The following TSHZ2 variants were observed in gnomAD, a reference collection of about 807,000 sequenced individuals.
TSHZ2 encodes the protein teashirt homolog 2.
A neutral mutation model predicts 74.4 loss-of-function variants in TSHZ2; 21 were observed. The observed-to-expected ratio is 0.28, with a 90% CI of 0.20 to 0.41. The LOEUF (loss-of-function observed/expected upper bound fraction) is 0.41. TSHZ2 is among the 10% of genes least tolerant of loss of function. The pLI, the probability that TSHZ2 is intolerant of heterozygous loss-of-function variation, is 1.00. For missense variants in TSHZ2, 1,244 were observed against 1,293.5 expected, an observed-to-expected ratio of 0.96 and a Z score of 0.59; for synonymous variants, 540 against 515.3, an observed-to-expected ratio of 1.05 and a Z score of -0.65.
At chr20:53,163,138 A>G (rs575888094) in intron 1 of TSHZ2, among the ~76,000 whole-genome samples, 2 of 152,178 alleles carry the variant, frequency 1.3e-5, no homozygotes, top group South Asian at 4.2e-4. Flanking sequence ...TGATGTGACT[A>G]TATTGTACCT....
intron 2 of TSHZ2, among the ~76,000 whole-genome samples, chr20:53,264,812 C>T (rs1474557528): frequency 6.6e-6 from 1 of 152,210 alleles, no homozygotes; most frequent in Non-Finnish European, 1.5e-5. Flanking sequence ...TAGGAGCTGG[C>T]ATTCCTGTCG....
At chr20:53,188,150 G>T (rs1988644523) in intron 1 of TSHZ2, among the ~76,000 whole-genome samples, 1 of 152,100 alleles carries the variant, frequency 6.6e-6, no homozygotes, top group African/African-American at 2.4e-5. Flanking sequence ...AAACCAAAAT[G>T]CTCCCACAAT....
At chr20:53,453,125 A>G (rs1984873993) in intron 2 of TSHZ2, 1 of 152,234 alleles carries the variant, frequency 6.6e-6, no homozygotes, top group South Asian at 2.1e-4. Context: ...GGCACAAAAG[A>G]GACACTTGGT....
At chr20:53,220,344 G>T (rs771411239) in intron 1 of TSHZ2, among the ~76,000 whole-genome samples, 20 of 152,158 alleles carry the variant, frequency 1.3e-4, no homozygotes, top group Non-Finnish European at 2.6e-4. Context: ...TTGTCTAAAG[G>T]TGGGGCTTTA....
At chr20:53,044,953 C>T (rs1423325016) in intron 1 of TSHZ2, among the ~76,000 whole-genome samples, 1 of 152,146 alleles carries the variant, frequency 6.6e-6, no homozygotes, top group Non-Finnish European at 1.5e-5. Flanking sequence ...CTCGAGTGAT[C>T]CTCCCAGAGT....
intron 2 of TSHZ2, among the ~76,000 whole-genome samples, chr20:53,402,558 A>G (rs1982706363): frequency 6.6e-6 from 1 of 152,166 alleles, no homozygotes; most frequent in Non-Finnish European, 1.5e-5. Flanking sequence ...ATGTATCCCC[A>G]TGGTTTAGAG....
chr20:53,200,725 C>T (rs559953229), intron 1 of TSHZ2, among the ~76,000 whole-genome samples: 6 of 152,120 alleles, frequency 3.9e-5, no homozygotes, highest in South Asian at 2.1e-4. Context: ...TAGTTGGTAC[C>T]GACCATGGCC....
chr20:53,037,438 C>A (rs1028627253), intron 1 of TSHZ2, among the ~76,000 whole-genome samples: 2 of 152,154 alleles, frequency 1.3e-5, no homozygotes, highest in African/African-American at 4.8e-5. Flanking sequence ...ACCTAAGACT[C>A]CAAACAAAAA....
chr20:53,233,841 G>C (rs1989880756), intron 1 of TSHZ2, among the ~76,000 whole-genome samples: 1 of 152,148 alleles, frequency 6.6e-6, no homozygotes. Context: ...TGGAACCAAG[G>C]ATTCCAGCCT....
intron 2 of TSHZ2, among the ~76,000 whole-genome samples, chr20:53,269,350 G>A (rs1409620358): frequency 6.6e-6 from 1 of 151,896 alleles, no homozygotes; most frequent in African/African-American, 2.4e-5. Context: ...AAACAGCTCT[G>A]GGAGGGGTGG....
intron 1 of TSHZ2, among the ~76,000 whole-genome samples, chr20:53,238,827 T>C (rs1287317871): frequency 9.1e-6 from 1 of 109,840 alleles, no homozygotes; most frequent in Non-Finnish European, 1.7e-5. Flanking sequence ...CCCAAGTCAA[T>C]CTTATATCTA....
chr20:53,163,690 A>G (rs1988001401), intron 1 of TSHZ2, among the ~76,000 whole-genome samples: 1 of 152,056 alleles, frequency 6.6e-6, no homozygotes, highest in Non-Finnish European at 1.5e-5. Context: ...GCAGTCCACA[A>G]GCCTGCCAGA....
chr20:53,131,347 C>G (rs1436618431), intron 1 of TSHZ2, among the ~76,000 whole-genome samples: 2 of 152,192 alleles, frequency 1.3e-5, no homozygotes, highest in Non-Finnish European at 2.9e-5. Flanking sequence ...TCTTCATTTT[C>G]TTCTTCAGTG....
chr20:53,236,236 A>G (rs989024348), intron 1 of TSHZ2, among the ~76,000 whole-genome samples: 5 of 152,224 alleles, frequency 3.3e-5, no homozygotes, highest in Non-Finnish European at 7.3e-5. Flanking sequence ...CTTTATTTAC[A>G]AAGGTTAAGT....
At chr20:53,066,073 C>A (rs548247023) in intron 1 of TSHZ2, among the ~76,000 whole-genome samples, 1 of 152,270 alleles carries the variant, frequency 6.6e-6, no homozygotes, top group East Asian at 1.9e-4. Flanking sequence ...GTCTCAGGCC[C>A]CTTGCTCAGT....
chr20:53,100,564 G>A (rs758485256), intron 1 of TSHZ2, among the ~76,000 whole-genome samples: 10 of 152,194 alleles, frequency 6.6e-5, no homozygotes, highest in Non-Finnish European at 1.3e-4. Context: ...GAGAGAGAGA[G>A]TGAGGGGGCA....
intron 1 of TSHZ2, among the ~76,000 whole-genome samples, chr20:53,060,831 T>C (rs1168426653): frequency 6.6e-6 from 1 of 152,164 alleles, no homozygotes; most frequent in Non-Finnish European, 1.5e-5. Context: ...AACAGCCAGA[T>C]TTTTCACCAT....
chr20:53,270,761 G>A (rs770812112), intron 2 of TSHZ2, among the ~76,000 whole-genome samples: 6 of 152,148 alleles, frequency 3.9e-5, no homozygotes, highest in Non-Finnish European at 8.8e-5. Flanking sequence ...CACTTCAAAT[G>A]TGCATGGTTT....
chr20:53,379,648 C>A (rs1242930793), intron 2 of TSHZ2, among the ~76,000 whole-genome samples: 1 of 151,984 alleles, frequency 6.6e-6, no homozygotes. Flanking sequence ...TGCCATAAAT[C>A]AGGATGTCTA....
Sources: allele counts gnomAD v4.1 joint callset (sites outside exome capture counted in the v4.1 genomes callset), GRCh38; gene constraint gnomAD v4.1.1; transcripts MANE v1.5; gene names NCBI Gene and HGNC (gene_info 2026-07-23, HGNC 2026-07-21).